The following MAP3K15 variants were observed in gnomAD, a reference collection of about 807,000 sequenced individuals.
MAP3K15 encodes the protein mitogen-activated protein kinase kinase kinase 15.
In MAP3K15, 124 loss-of-function variants were observed where a neutral mutation model predicts 99.5. That is an observed-to-expected ratio of 1.25 (90% CI 1.08 to 1.45). MAP3K15 has a LOEUF of 1.45. Ranked by LOEUF, MAP3K15 falls within the 40% of genes most tolerant of loss-of-function variation. The pLI is 0.00. For missense variants in MAP3K15, 1,242 were observed against 1,079.7 expected, an observed-to-expected ratio of 1.15 and a Z score of -2.11; for synonymous variants, 494 against 439.6, an observed-to-expected ratio of 1.12 and a Z score of -1.55.
At chrX:19,428,183 G>A (rs139353753) in intron 7 of MAP3K15, among the ~76,000 whole-genome samples, 4,777 of 111,470 alleles carry the variant, frequency 0.043, 281 homozygotes, top group African/African-American at 0.15. Flanking sequence ...GCACTGGAGA[G>A]TGTGGGTTAG....
At chrX:19,468,391 G>A (rs2064183313) in intron 3 of MAP3K15, among the ~76,000 whole-genome samples, 1 of 112,067 alleles carries the variant, frequency 8.9e-6, no homozygotes, top group Admixed American at 9.5e-5. Context: ...TCAAGGTATT[G>A]TCAAAAGCAA....
At chrX:19,406,221 G>C (rs2063646567) in intron 13 of MAP3K15, among the ~76,000 whole-genome samples, 1 of 112,352 alleles carries the variant, frequency 8.9e-6, no homozygotes, top group African/African-American at 3.2e-5. Context: ...ATAAGACCCA[G>C]CAATTTGACT....
chrX:19,441,076 T>C (rs745433700), intron 6 of MAP3K15, among the ~76,000 whole-genome samples: 2 of 112,194 alleles, frequency 1.8e-5, no homozygotes, highest in South Asian at 7.4e-4. Flanking sequence ...AAAAAAGGAA[T>C]GAAGTCCTGA....
chrX:19,462,307 T>TCAATG (rs1387117836), intron 4 of MAP3K15, among the ~76,000 whole-genome samples: 1 of 111,759 alleles, frequency 8.9e-6, no homozygotes, highest in East Asian at 2.8e-4. Flanking sequence ...TAGAAAAATA[T>TCAATG]CAATGCATTG....
intron 3 of MAP3K15, among the ~76,000 whole-genome samples, chrX:19,465,831 G>GTGTGTGTA (rs1491314320): frequency 1.2e-3 from 3 of 2,607 alleles, no homozygotes; most frequent in African/African-American, 4.7e-3. Context: ...GTGTGTAGGG[G>GTGTGTGTA]TGTGTGTGTG....
At chrX:19,491,607 C>A (rs2064369283) in intron 1 of MAP3K15, among the ~76,000 whole-genome samples, 1 of 111,036 alleles carries the variant, frequency 9.0e-6, no homozygotes, top group Non-Finnish European at 1.9e-5. Flanking sequence ...CCTGGGGCCA[C>A]AATACCCCAG....
At chrX:19,513,468 T>C (rs1291342901) in intron 1 of MAP3K15, among the ~76,000 whole-genome samples, 5 of 111,801 alleles carry the variant, frequency 4.5e-5, no homozygotes, top group Non-Finnish European at 3.8e-5. Context: ...TAAAAAGATG[T>C]TGTGCTGAAG....
intron 3 of MAP3K15, among the ~76,000 whole-genome samples, chrX:19,467,538 G>A (rs1166134907): frequency 9.0e-6 from 1 of 110,597 alleles, no homozygotes; most frequent in African/African-American, 3.3e-5. Flanking sequence ...GGAGGCCGAG[G>A]TGGATGGATC....
At chrX:19,445,605 A>AT (rs1200233784) in intron 6 of MAP3K15, among the ~76,000 whole-genome samples, 2 of 107,000 alleles carry the variant, frequency 1.9e-5, no homozygotes, top group Non-Finnish European at 3.8e-5. Flanking sequence ...AAAAAAAAAA[A>AT]AAAATTAGTG....
intron 3 of MAP3K15, among the ~76,000 whole-genome samples, chrX:19,480,391 A>G (rs2064279979): frequency 8.9e-6 from 1 of 111,790 alleles, no homozygotes; most frequent in Non-Finnish European, 1.9e-5. Context: ...ATTACTACAA[A>G]GCTATAGTAA....
chrX:19,369,592 G>A (rs2063359647), intron 24 of MAP3K15, among the ~76,000 whole-genome samples: 1 of 110,908 alleles, frequency 9.0e-6, no homozygotes, highest in Admixed American at 9.6e-5. Flanking sequence ...CCAACATGGT[G>A]AAACCCCATC....
At chrX:19,459,755 CAGG>C (rs1231389971) in intron 5 of MAP3K15, among the ~76,000 whole-genome samples, 1 of 112,169 alleles carries the variant, frequency 8.9e-6, no homozygotes, top group Non-Finnish European at 1.9e-5. Context: ...GAGGCTGAGG[CAGG>C]AGAACAGCTT....
chrX:19,432,156 T>C (rs1287980333), intron 6 of MAP3K15, among the ~76,000 whole-genome samples: 1 of 109,938 alleles, frequency 9.1e-6, no homozygotes, highest in Non-Finnish European at 1.9e-5. Flanking sequence ...AAGTAAATCA[T>C]AAGGAAATGA....
chrX:19,424,812 ATTTTT>A (rs34164536), intron 9 of MAP3K15, among the ~76,000 whole-genome samples: 1 of 95,286 alleles, frequency 1.0e-5, no homozygotes, highest in Admixed American at 1.1e-4. Flanking sequence ...ATGCCTGGCT[ATTTTT>A]TTTTTTTTTT....
chrX:19,488,483 G>A (rs1364080483), intron 2 of MAP3K15, among the ~76,000 whole-genome samples: 1 of 111,798 alleles, frequency 8.9e-6, no homozygotes, highest in Non-Finnish European at 1.9e-5. Context: ...TGCTCATGAA[G>A]GAATTCAGAA....
intron 6 of MAP3K15, among the ~76,000 whole-genome samples, chrX:19,450,175 T>C (rs1157512354): frequency 9.1e-6 from 1 of 109,526 alleles, no homozygotes; most frequent in Non-Finnish European, 1.9e-5. Flanking sequence ...TGGAATGATA[T>C]TGATTTCCTA....
intron 6 of MAP3K15, among the ~76,000 whole-genome samples, chrX:19,449,659 C>T (rs538680254): frequency 9.2e-6 from 1 of 108,859 alleles, no homozygotes; most frequent in East Asian, 2.8e-4. Context: ...GGTGAAGAAA[C>T]CCACTCTAAA....
In MAP3K15 at chrX:19,394,810, TTTTTTTTTTTTTTTTTTTTTTTTTTAAA is replaced by T. The variant is rs1210195177; in HGVS notation, c.2194+243_2194+270del. Among the ~76,000 whole-genome samples, 196 of 60,561 alleles carry T rather than the reference TTTTTTTTTTTTTTTTTTTTTTTTTTAAA, an allele frequency of 3.2e-3. 2 individuals carry two copies. Among genetic ancestry groups the T allele is most frequent in the African/African-American group, 0.017 (186 of 10,867 alleles). 52.6% of individuals were successfully genotyped at this position (60,561 alleles called of 115,157 possible). ...GTTGCTTTTTTTTTTTTTTTTTTTT[TTTTTTTTTTTTTTTTTTTTTTTTTTAAA>T]AAGAGTGATGGGTTTTGCTCTGTCG... On this transcript the variant is annotated intron_variant, in intron 16 of 28. Coordinates refer to ENST00000338883, the MANE Select transcript of MAP3K15 (RefSeq NM_001001671.4).
At chrX:19,461,638 T>C (rs1041356793) in intron 4 of MAP3K15, among the ~76,000 whole-genome samples, 25 of 111,587 alleles carry the variant, frequency 2.2e-4, no homozygotes, top group African/African-American at 8.1e-4. Context: ...CTATTTTCCA[T>C]AGGAATTTTT....
Sources: allele counts gnomAD v4.1 joint callset (sites outside exome capture counted in the v4.1 genomes callset), GRCh38; gene constraint gnomAD v4.1.1; transcripts MANE v1.5; gene names NCBI Gene and HGNC (gene_info 2026-07-23, HGNC 2026-07-21).